SFMBT2: variants seen among roughly 807,000 people sequenced by gnomAD.
The protein encoded by SFMBT2 is Scm like with four mbt domains 2.
SFMBT2 carries 38 observed loss-of-function variants against 110.1 expected under a neutral mutation model. That is an observed-to-expected ratio of 0.35 (90% CI 0.27 to 0.45). The LOEUF (loss-of-function observed/expected upper bound fraction) is 0.45, where lower values mean the gene tolerates loss of function less well. Ranked by LOEUF, SFMBT2 falls within the 20% of genes least tolerant of loss-of-function variation. The pLI, the probability that SFMBT2 is intolerant of heterozygous loss-of-function variation, is 1.00. For missense variants in SFMBT2, 1,011 were observed against 1,094.9 expected (o/e 0.92, Z 1.08); for synonymous variants, 425 against 425.4 (o/e 1.00, Z 0.01).
intron 16 of SFMBT2, among the ~76,000 whole-genome samples, chr10:7,184,889 G>C (rs1006268728): frequency 6.6e-6 from 1 of 152,178 alleles, no homozygotes; most frequent in Non-Finnish European, 1.5e-5. Flanking sequence ...CAAGCTGTGG[G>C]AAAGCCTCTG....
chr10:7,379,170 C>T (rs1845355258), intron 2 of SFMBT2, among the ~76,000 whole-genome samples: 1 of 152,082 alleles, frequency 6.6e-6, no homozygotes, highest in Admixed American at 6.5e-5. Context: ...CAGTTCAGAA[C>T]CAGCTAAAGA....
intron 16 of SFMBT2, among the ~76,000 whole-genome samples, chr10:7,186,459 C>CACACACACACACATAT (rs748644225): frequency 7.9e-6 from 1 of 126,896 alleles, no homozygotes; most frequent in Admixed American, 7.7e-5. Flanking sequence ...CACACACACA[C>CACACACACACACATAT]ATATATATAT....
chr10:7,407,471 A>G (rs775828846), intron 1 of SFMBT2, among the ~76,000 whole-genome samples: 4 of 152,020 alleles, frequency 2.6e-5, no homozygotes, highest in East Asian at 1.9e-4. Context: ...TTTCCCACCA[A>G]TGGCCTCGGA....
intron 8 of SFMBT2, among the ~76,000 whole-genome samples, chr10:7,247,193 T>C (rs1013355807): frequency 6.6e-6 from 1 of 152,210 alleles, no homozygotes; most frequent in African/African-American, 2.4e-5. Context: ...CTCAGCTCAC[T>C]ACAACCTCTG....
rs61836738 is a variant in SFMBT2 at position 7,167,469 on chromosome 10, C to T, written c.2544+3459G>A. Among the ~76,000 whole-genome samples the T allele has an allele frequency of 4.2e-3, 645 of 152,240 alleles. 2 individuals carry two copies. Among genetic ancestry groups the T allele is most frequent in the Non-Finnish European group, 5.7e-3 (391 of 68,018 alleles). On this transcript the variant is annotated intron_variant, in intron 20 of 20. Transcript: ENST00000397167. ...ATTATAATAATCTCTGCATTTATAA[C>T]GTTCAGGGCCTGCGTGCACATAGCG...
intron 7 of SFMBT2, among the ~76,000 whole-genome samples, chr10:7,275,129 C>T (rs1003537969): frequency 2.0e-5 from 3 of 152,202 alleles, no homozygotes; most frequent in African/African-American, 4.8e-5. Flanking sequence ...GCCCTGGTCC[C>T]GCAGGGAGGC....
At chr10:7,359,155 C>T (rs189168508) in intron 4 of SFMBT2, among the ~76,000 whole-genome samples, 72 of 152,318 alleles carry the variant, frequency 4.7e-4, no homozygotes, top group Non-Finnish European at 9.3e-4. Flanking sequence ...GAGCTGTGCC[C>T]GGGGGCCTTG....
At chr10:7,174,786 T>C (rs1837998128) in intron 17 of SFMBT2, among the ~76,000 whole-genome samples, 1 of 152,046 alleles carries the variant, frequency 6.6e-6, no homozygotes, top group Non-Finnish European at 1.5e-5. Flanking sequence ...AAAGGTGCAG[T>C]GATGGAGAAA....
At chr10:7,402,647 G>A (rs753672841) in intron 1 of SFMBT2, among the ~76,000 whole-genome samples, 5 of 152,116 alleles carry the variant, frequency 3.3e-5, no homozygotes, top group Non-Finnish European at 7.3e-5. Flanking sequence ...TATAGAGCAA[G>A]AGCCTTTGAT....
chr10:7,316,468 C>G (rs978361096), intron 4 of SFMBT2, among the ~76,000 whole-genome samples: 1 of 152,140 alleles, frequency 6.6e-6, no homozygotes, highest in Non-Finnish European at 1.5e-5. Context: ...GAAAGCAGCA[C>G]AAGGAACACT....
intron 7 of SFMBT2, among the ~76,000 whole-genome samples, chr10:7,266,700 A>C (rs1175239363): frequency 6.6e-6 from 1 of 152,232 alleles, no homozygotes; most frequent in Admixed American, 6.5e-5. Context: ...GGACGCAATG[A>C]CTAGAAGCCA....
chr10:7,262,831 G>A (rs1239186445), intron 7 of SFMBT2, among the ~76,000 whole-genome samples: 3 of 152,058 alleles, frequency 2.0e-5, no homozygotes, highest in Admixed American at 2.0e-4. Flanking sequence ...AAAACTAGAT[G>A]GCCCCGCTGG....
rs1025714906 is a variant in SFMBT2 at position 7,317,280 on chromosome 10, GA to G, written c.437-31327del. 8.8e-3 allele frequency among the ~76,000 whole-genome samples: 1,284 copies of G among 145,990 alleles called. 21 individuals are homozygous for G. Among genetic ancestry groups the G allele is most frequent in the African/African-American group, 0.028 (1,141 of 40,046 alleles). On this transcript the variant is annotated intron_variant, in intron 4 of 20. Transcript: ENST00000397167. The stretch of plus-strand genomic sequence containing the variant: ...ATTCGAAAATAGAGGCAGCTTAATG[GA>G]AAAAAAAAAATCCTACAGAATTTAA...
At chr10:7,212,988 C>T (rs918111362) in intron 11 of SFMBT2, among the ~76,000 whole-genome samples, 1 of 152,092 alleles carries the variant, frequency 6.6e-6, no homozygotes, top group African/African-American at 2.4e-5. Context: ...GAACAGAAAA[C>T]CAAACACTGT....
At chr10:7,179,710 C>A (rs1266470603) in intron 16 of SFMBT2, among the ~76,000 whole-genome samples, 1 of 152,196 alleles carries the variant, frequency 6.6e-6, no homozygotes, top group South Asian at 2.1e-4. Flanking sequence ...ATCAAACCTC[C>A]AGGTGACGAA....
chr10:7,178,770 C>T (rs936246224), intron 16 of SFMBT2, among the ~76,000 whole-genome samples: 2 of 152,220 alleles, frequency 1.3e-5, no homozygotes, highest in African/African-American at 4.8e-5. Context: ...TTAGGCACTA[C>T]AGCCCTTATC....
At chr10:7,248,718 C>A in intron 7 of SFMBT2, 69 bp from the exon 8 acceptor site, 4 of 1,409,656 alleles carry the variant, frequency 2.8e-6, no homozygotes, top group Non-Finnish European at 4.0e-6. Context: ...TGTCCGGATG[C>A]GCTCCTGGAG....
chr10:7,371,507 T>C (rs1173197194), intron 2 of SFMBT2, among the ~76,000 whole-genome samples: 1 of 152,222 alleles, frequency 6.6e-6, no homozygotes, highest in African/African-American at 2.4e-5. Context: ...CATTTAAGGC[T>C]ACATATACGA....
chr10:7,220,684 T>C (rs1839698554), intron 10 of SFMBT2, 147 bp from the exon 11 acceptor site: 2 of 821,466 alleles, frequency 2.4e-6, no homozygotes, highest in East Asian at 5.1e-5. Flanking sequence ...CCACTGTTCA[T>C]GAAGAAAGAA....
Sources: allele counts gnomAD v4.1 joint callset (sites outside exome capture counted in the v4.1 genomes callset), GRCh38; gene constraint gnomAD v4.1.1; transcripts MANE v1.5; gene names NCBI Gene and HGNC (gene_info 2026-07-23, HGNC 2026-07-21).